Variants in STARD13 observed in about 807,000 individuals in gnomAD.
STARD13 encodes StAR related lipid transfer domain containing 13.
In STARD13, 62 loss-of-function variants were observed where a neutral mutation model predicts 106.4. That is an observed-to-expected ratio of 0.58 (90% CI 0.48 to 0.72). STARD13 has a LOEUF of 0.72. Ranked by LOEUF, STARD13 falls within the 30% of genes least tolerant of loss-of-function variation. The pLI is 0.00. For synonymous variants in STARD13, 565 were observed against 553.0 expected, an observed-to-expected ratio of 1.02 and a Z score of -0.31; for missense variants, 1,387 against 1,424.0, an observed-to-expected ratio of 0.97 and a Z score of 0.42.
the STARD13 span, among the ~76,000 whole-genome samples, chr13:33,495,509 G>A: frequency 6.6e-6 from 1 of 152,130 alleles, no homozygotes. Flanking sequence ...CTTTCTTCAT[G>A]TGGATCACTT....
At chr13:33,132,991 A>C (rs1401606691) in intron 4 of STARD13, among the ~76,000 whole-genome samples, 1 of 152,214 alleles carries the variant, frequency 6.6e-6, no homozygotes, top group African/African-American at 2.4e-5. Context: ...ATTGCATTTT[A>C]GGAAGCTAGT....
the STARD13 span, among the ~76,000 whole-genome samples, chr13:33,641,881 T>A: frequency 6.6e-6 from 1 of 152,162 alleles, no homozygotes; most frequent in East Asian, 1.9e-4. Flanking sequence ...TGAACAGGAT[T>A]GTGATATTTT....
intron 1 of STARD13, among the ~76,000 whole-genome samples, chr13:33,256,076 A>G (rs975946391): frequency 1.3e-5 from 2 of 152,234 alleles, no homozygotes; most frequent in Non-Finnish European, 2.9e-5. Context: ...ATACTAAAGG[A>G]GCCAAGTATA....
chr13:33,120,794 C>T (rs1267248210), intron 7 of STARD13, among the ~76,000 whole-genome samples: 8 of 149,190 alleles, frequency 5.4e-5, no homozygotes, highest in African/African-American at 1.2e-4. Flanking sequence ...TTTTTTGAGA[C>T]GGAGTCTTGC....
chr13:33,146,002 T>A (rs1174085736), intron 3 of STARD13, among the ~76,000 whole-genome samples: 1 of 151,692 alleles, frequency 6.6e-6, no homozygotes, highest in East Asian at 1.9e-4. Flanking sequence ...CTGGGCAACA[T>A]GGAGAGGCCC....
At chr13:33,264,184 A>G (rs1271204067) in intron 1 of STARD13, among the ~76,000 whole-genome samples, 1 of 152,240 alleles carries the variant, frequency 6.6e-6, no homozygotes, top group Non-Finnish European at 1.5e-5. Context: ...TGAGCCAGGC[A>G]TAGCCCGCAG....
chr13:33,608,477 A>T, the STARD13 span, among the ~76,000 whole-genome samples: 1 of 152,202 alleles, frequency 6.6e-6, no homozygotes, highest in South Asian at 2.1e-4. Context: ...AAAATCCATA[A>T]GACTTTATAA....
intron 8 of STARD13, among the ~76,000 whole-genome samples, chr13:33,114,755 A>T (rs922099598): frequency 1.3e-5 from 2 of 151,992 alleles, no homozygotes; most frequent in Admixed American, 1.3e-4. Context: ...GTCGCCTGTC[A>T]TCTCTATATG....
intron 5 of STARD13, among the ~76,000 whole-genome samples, chr13:33,127,784 T>C (rs1216032502): frequency 6.6e-6 from 1 of 151,860 alleles, no homozygotes; most frequent in East Asian, 1.9e-4. Context: ...AAATAAGTGA[T>C]AGAGGAAATA....
At chr13:33,293,755 C>T (rs547575207) in intron 1 of STARD13, among the ~76,000 whole-genome samples, 10 of 152,276 alleles carry the variant, frequency 6.6e-5, no homozygotes, top group East Asian at 1.9e-4. Flanking sequence ...AAGGAAAAGG[C>T]GAGACTGGCC....
At chr13:33,664,174 C>G in the STARD13 span, among the ~76,000 whole-genome samples, 1 of 152,224 alleles carries the variant, frequency 6.6e-6, no homozygotes, top group Non-Finnish European at 1.5e-5. Flanking sequence ...AAGAGACACT[C>G]ATTTCTCAAC....
the STARD13 span, among the ~76,000 whole-genome samples, chr13:33,632,852 C>A: frequency 3.5e-3 from 521 of 149,804 alleles, 4 homozygotes; most frequent in African/African-American, 0.012. Context: ...AGGCAATAAG[C>A]AAGACGTAAT....
the STARD13 span, among the ~76,000 whole-genome samples, chr13:33,505,553 G>A: frequency 1.7e-4 from 26 of 152,016 alleles, no homozygotes; most frequent in Non-Finnish European, 3.2e-4. Flanking sequence ...ACAACAAAAC[G>A]TCTTTTGAAA....
the STARD13 span, among the ~76,000 whole-genome samples, chr13:33,566,534 G>A: frequency 6.8e-6 from 1 of 147,914 alleles, no homozygotes; most frequent in African/African-American, 2.5e-5. Context: ...TATAATCATA[G>A]TACTTCATCT....
intron 1 of STARD13, among the ~76,000 whole-genome samples, chr13:33,220,940 C>T (rs978099407): frequency 6.6e-6 from 1 of 152,056 alleles, no homozygotes; most frequent in African/African-American, 2.4e-5. Context: ...TACTGAATAT[C>T]GTTGGAGCAG....
intron 1 of STARD13, among the ~76,000 whole-genome samples, chr13:33,184,305 G>A (rs1885539453): frequency 6.6e-6 from 1 of 152,116 alleles, no homozygotes; most frequent in Admixed American, 6.5e-5. Context: ...TGGTGGTTGG[G>A]GTTGCCATGG....
chr13:33,436,586 T>A, the STARD13 span, among the ~76,000 whole-genome samples: 4 of 152,210 alleles, frequency 2.6e-5, no homozygotes, highest in African/African-American at 9.7e-5. Context: ...TGAATTTTTA[T>A]CTAATAAAGG....
At chr13:33,311,510 T>C (rs1893138062) in intron 1 of STARD13, among the ~76,000 whole-genome samples, 1 of 152,242 alleles carries the variant, frequency 6.6e-6, no homozygotes, top group Non-Finnish European at 1.5e-5. Context: ...ACTTAATCTC[T>C]CTGAGCTTCT....
chr13:33,370,596 T>G, the STARD13 span, among the ~76,000 whole-genome samples: 1 of 151,738 alleles, frequency 6.6e-6, no homozygotes. Context: ...ATACTTTCTT[T>G]TCTTTTCTTT....
Sources: gnomAD v4.1 joint callset for allele counts (sites outside exome capture counted in the v4.1 genomes callset) on GRCh38, gnomAD v4.1.1 for gene constraint, MANE v1.5 for transcripts, NCBI Gene and HGNC (gene_info 2026-07-23, HGNC 2026-07-21) for gene names.